Variants in PTPRK observed in about 807,000 individuals in gnomAD.
The protein encoded by PTPRK is protein tyrosine phosphatase receptor type K.
PTPRK carries 75 observed loss-of-function variants against 178.0 expected under a neutral mutation model. The observed-to-expected ratio is 0.42, with a 90% CI of 0.35 to 0.51. The LOEUF (loss-of-function observed/expected upper bound fraction) is 0.51, where lower values mean the gene tolerates loss of function less well. Ranked by LOEUF, PTPRK falls within the 20% of genes least tolerant of loss-of-function variation. PTPRK has a pLI of 0.02. For missense variants in PTPRK, 1,441 were observed against 1,797.8 expected (o/e 0.80, Z 3.59); for synonymous variants, 637 against 620.6 (o/e 1.03, Z -0.39).
At chr6:128,456,653 T>C (rs1395982552) in intron 1 of PTPRK, among the ~76,000 whole-genome samples, 1 of 152,148 alleles carries the variant, frequency 6.6e-6, no homozygotes, top group Non-Finnish European at 1.5e-5. Flanking sequence ...AAGTACCATA[T>C]ACTTTATTTA....
chr6:128,445,200 TTATATA>T (rs779511665), intron 1 of PTPRK, among the ~76,000 whole-genome samples: 1 of 132,430 alleles, frequency 7.6e-6, no homozygotes, highest in Admixed American at 7.5e-5. Flanking sequence ...ACTATTTTAT[TTATATA>T]TATATATATA....
intron 5 of PTPRK, among the ~76,000 whole-genome samples, chr6:128,234,650 C>T (rs1211884173): frequency 1.3e-5 from 2 of 152,178 alleles, no homozygotes; most frequent in African/African-American, 4.8e-5. Context: ...GTTGCATTAT[C>T]AGCAGTTCAT....
At chr6:128,374,756 T>C (rs1438641935) in intron 2 of PTPRK, among the ~76,000 whole-genome samples, 1 of 152,200 alleles carries the variant, frequency 6.6e-6, no homozygotes, top group Non-Finnish European at 1.5e-5. Context: ...GCACTCAGTA[T>C]GACCCTGTCA....
chr6:128,455,485 T>C (rs1409728260), intron 1 of PTPRK, among the ~76,000 whole-genome samples: 1 of 152,102 alleles, frequency 6.6e-6, no homozygotes, highest in Non-Finnish European at 1.5e-5. Flanking sequence ...ACAGTTAAAA[T>C]TAAAGCATAA....
At position 128,397,641 on chromosome 6, in the gene PTPRK, C is replaced by T; in HGVS notation, c.148G>A (p.Asp50Asn). 3 of 1,613,514 alleles carry T rather than the reference C, an allele frequency of 1.9e-6. No homozygotes were observed. The highest frequency in any genetic ancestry group is 1.7e-6 in the Non-Finnish European group (2 of 1,179,562). The change falls in exon 2 of 30, where the codon GAT becomes AAT. Residue 50 changes from aspartate (D) to asparagine (N), a missense_variant. Asp to Asn is a conservative substitution (Grantham distance 23). Transcript: ENST00000368226. The stretch of plus-strand genomic sequence containing the variant: ...ACCCATTCAAAGTCATCATACAGAT[C>T]CTGGTGGTAATCACAGGCCCCTGGA... The part of the protein sequence containing the change: ...DGPGACDYHQ[D>N]LYDDFEWVHV...
chr6:128,234,253 G>A (rs1241146021), intron 5 of PTPRK, among the ~76,000 whole-genome samples: 1 of 152,166 alleles, frequency 6.6e-6, no homozygotes, highest in Non-Finnish European at 1.5e-5. Flanking sequence ...ATGCCTGTAG[G>A]CTATTACCAT....
At chr6:128,014,254 G>A (rs2114735660) in intron 13 of PTPRK, among the ~76,000 whole-genome samples, 1 of 151,628 alleles carries the variant, frequency 6.6e-6, no homozygotes, top group Middle Eastern at 3.4e-3. Context: ...AAGCCCCTTT[G>A]TTACATTCCT....
At chr6:128,104,073 T>C (rs1390823116) in intron 7 of PTPRK, among the ~76,000 whole-genome samples, 1 of 152,254 alleles carries the variant, frequency 6.6e-6, no homozygotes, top group African/African-American at 2.4e-5. Flanking sequence ...CAGATATTCA[T>C]GTGTCTCCTT....
intron 3 of PTPRK, among the ~76,000 whole-genome samples, chr6:128,283,342 A>G (rs888454451): frequency 6.6e-5 from 10 of 152,316 alleles, no homozygotes; most frequent in Non-Finnish European, 1.2e-4. Flanking sequence ...TATATAAACC[A>G]AGGAGCAAAA....
intron 7 of PTPRK, among the ~76,000 whole-genome samples, chr6:128,109,676 T>G (rs759034974): frequency 6.6e-6 from 1 of 152,192 alleles, no homozygotes; most frequent in Admixed American, 6.5e-5. Context: ...CAGTGAACTG[T>G]TGGTAATAAA....
At chr6:128,050,702 T>A (rs1268165448) in intron 13 of PTPRK, among the ~76,000 whole-genome samples, 1 of 152,246 alleles carries the variant, frequency 6.6e-6, no homozygotes, top group African/African-American at 2.4e-5. Flanking sequence ...TAAGCATTTT[T>A]AATTTTTAGT....
intron 6 of PTPRK, among the ~76,000 whole-genome samples, chr6:128,191,074 G>A (rs989935309): frequency 6.6e-6 from 1 of 152,112 alleles, no homozygotes; most frequent in African/African-American, 2.4e-5. Flanking sequence ...AGTAACTTCT[G>A]AGAACCATGA....
intron 6 of PTPRK, among the ~76,000 whole-genome samples, chr6:128,192,390 G>T (rs3813371): frequency 3.3e-5 from 5 of 151,970 alleles, no homozygotes; most frequent in Non-Finnish European, 2.9e-5. Flanking sequence ...CAATTTGTTA[G>T]GTGCCCACAA....
At chr6:127,973,854 A>T in intron 27 of PTPRK, 27 bp from the exon 28 acceptor site, 2 of 1,595,222 alleles carry the variant, frequency 1.3e-6, no homozygotes, top group Non-Finnish European at 1.7e-6. Context: ...TTTTATGTAA[A>T]TACGCTGGGA....
At chr6:128,163,109 T>G (rs1348205662) in intron 7 of PTPRK, among the ~76,000 whole-genome samples, 1 of 151,194 alleles carries the variant, frequency 6.6e-6, no homozygotes, top group Non-Finnish European at 1.5e-5. Flanking sequence ...TTTACTTCAT[T>G]GAGATGTTTC....
intron 3 of PTPRK, among the ~76,000 whole-genome samples, chr6:128,256,608 T>C (rs922414857): frequency 4.0e-5 from 6 of 151,874 alleles, no homozygotes; most frequent in Non-Finnish European, 5.9e-5. Context: ...TGGCTAATTT[T>C]TGTATTTTTA....
intron 3 of PTPRK, among the ~76,000 whole-genome samples, chr6:128,309,945 G>C (rs1261371483): frequency 3.3e-5 from 5 of 151,764 alleles, no homozygotes; most frequent in Admixed American, 3.3e-4. Flanking sequence ...AAATAATATG[G>C]AAAGTTCCAG....
chr6:128,356,947 T>C (rs2128340115), intron 2 of PTPRK, among the ~76,000 whole-genome samples: 1 of 152,280 alleles, frequency 6.6e-6, no homozygotes, highest in Middle Eastern at 3.4e-3. Context: ...TCAATGCTGT[T>C]TCAGAGAAGT....
At chr6:127,978,304 T>A (rs1474844348) in intron 25 of PTPRK, among the ~76,000 whole-genome samples, 1 of 152,134 alleles carries the variant, frequency 6.6e-6, no homozygotes, top group Non-Finnish European at 1.5e-5. Context: ...CAGGACCAGG[T>A]GGAGATAATT....
Sources: allele counts gnomAD v4.1 joint callset (sites outside exome capture counted in the v4.1 genomes callset), GRCh38; gene constraint gnomAD v4.1.1; transcripts MANE v1.5; gene names NCBI Gene and HGNC (gene_info 2026-07-23, HGNC 2026-07-21).